Variants in NMNAT2 observed in about 807,000 individuals in gnomAD.
NMNAT2 encodes nicotinamide nucleotide adenylyltransferase 2, also known as nicotinamide/nicotinic acid mononucleotide adenylyltransferase 2.
A neutral mutation model predicts 41.6 loss-of-function variants in NMNAT2; 11 were observed. The ratio of observed to expected loss-of-function variants is 0.26; its 90% CI spans 0.17 to 0.44. The LOEUF (loss-of-function observed/expected upper bound fraction) is 0.44. Among genes scored for constraint, NMNAT2 ranks in the 20% least tolerant of loss-of-function variants. The probability of loss-of-function intolerance (pLI) is 1.00; values close to 1 mark genes in which losing one functional copy is unlikely to be tolerated. For synonymous variants in NMNAT2, 148 were observed against 151.2 expected, an observed-to-expected ratio of 0.98 and a Z score of 0.16; for missense variants, 288 against 407.7, an observed-to-expected ratio of 0.71 and a Z score of 2.53.
At chr1:183,302,050 G>A (rs75716152) in intron 1 of NMNAT2, among the ~76,000 whole-genome samples, 1,799 of 152,300 alleles carry the variant, frequency 0.012, 46 homozygotes, top group African/African-American at 0.04. Context: ...GATGATAAAG[G>A]AAGAAATCAA....
intron 6 of NMNAT2, 95 bp downstream of exon 6, chr1:183,284,615 T>C (rs1226453950): frequency 4.9e-6 from 5 of 1,026,088 alleles, no homozygotes; most frequent in Non-Finnish European, 7.7e-6. Context: ...GAATTTGCGG[T>C]GGGGGGAATG....
At chr1:183,411,782 G>A (rs1036923158) in intron 1 of NMNAT2, among the ~76,000 whole-genome samples, 5 of 152,176 alleles carry the variant, frequency 3.3e-5, no homozygotes, top group African/African-American at 1.2e-4. Flanking sequence ...AAGGTGATAA[G>A]TACGAAGGGG....
At chr1:183,404,099 A>T (rs1305216543) in intron 1 of NMNAT2, among the ~76,000 whole-genome samples, 1 of 138,496 alleles carries the variant, frequency 7.2e-6, no homozygotes, top group African/African-American at 2.7e-5. Flanking sequence ...CAGAAATGTA[A>T]TTTTTTTTTT....
intron 1 of NMNAT2, among the ~76,000 whole-genome samples, chr1:183,309,363 A>G (rs2102322993): frequency 6.6e-6 from 1 of 152,270 alleles, no homozygotes; most frequent in East Asian, 1.9e-4. Flanking sequence ...GTTGGGCGGA[A>G]AATAAATTTA....
chr1:183,367,606 C>T (rs992961376), intron 1 of NMNAT2, among the ~76,000 whole-genome samples: 1 of 152,084 alleles, frequency 6.6e-6, no homozygotes, highest in Non-Finnish European at 1.5e-5. Context: ...TCCAAAGAGG[C>T]GTAGCAGTAA....
At chr1:183,390,189 T>C (rs1296904340) in intron 1 of NMNAT2, among the ~76,000 whole-genome samples, 1 of 152,146 alleles carries the variant, frequency 6.6e-6, no homozygotes, top group African/African-American at 2.4e-5. Flanking sequence ...GTGAGCCGCA[T>C]GAACATCAAT....
In NMNAT2 at chr1:183,336,369, T is replaced by C. The variant is rs566105852; in HGVS notation, c.86-42576A>G. On this transcript the variant is annotated intron_variant, in intron 1 of 10. Coordinates refer to ENST00000287713, the MANE Select transcript of NMNAT2 (RefSeq NM_015039.4). ...AAATAAATGCAAAAGAAAATTACAA[T>C]GAGATACCACCTCATACCAGTTTGA... Among the ~76,000 whole-genome samples the C allele has an allele frequency of 3.9e-5, 6 of 152,244 alleles. No individual in the cohort carries two copies. The South Asian group carries it at 1.0e-3, about 26-fold the overall frequency.
chr1:183,360,967 C>T (rs565178877), intron 1 of NMNAT2, among the ~76,000 whole-genome samples: 20 of 152,298 alleles, frequency 1.3e-4, no homozygotes, highest in African/African-American at 2.4e-4. Flanking sequence ...TCTCCACCAA[C>T]CCCTCTCTCC....
intron 1 of NMNAT2, among the ~76,000 whole-genome samples, chr1:183,332,783 C>G (rs1016196461): frequency 6.6e-6 from 1 of 152,212 alleles, no homozygotes; most frequent in African/African-American, 2.4e-5. Context: ...CTAGCAATTT[C>G]TCTAGGGATT....
intron 8 of NMNAT2, among the ~76,000 whole-genome samples, chr1:183,272,309 T>C (rs1451777066): frequency 3.9e-5 from 6 of 152,196 alleles, no homozygotes; most frequent in African/African-American, 9.7e-5. Context: ...GAGAGACTAG[T>C]TCTCCAATAA....
At chr1:183,379,092 A>ATCTATATCTATATCTATATCTATATCTAT (rs142685154) in intron 1 of NMNAT2, among the ~76,000 whole-genome samples, 1,311 of 115,192 alleles carry the variant, frequency 0.011, 16 homozygotes, top group Non-Finnish European at 0.02. Flanking sequence ...CTATATCTAT[A>ATCTATATCTATATCTATATCTATATCTAT]ATCTATAATC....
intron 1 of NMNAT2, among the ~76,000 whole-genome samples, chr1:183,390,239 G>T: frequency 6.6e-6 from 1 of 152,158 alleles, no homozygotes. Context: ...GTACCAGTCA[G>T]CCTTGGAAAA....
At chr1:183,377,806 C>A (rs1018180212) in intron 1 of NMNAT2, among the ~76,000 whole-genome samples, 1 of 152,046 alleles carries the variant, frequency 6.6e-6, no homozygotes, top group East Asian at 1.9e-4. Context: ...GGTGTTGGAG[C>A]TATCAGATTA....
chr1:183,310,293 G>A (rs189144598), intron 1 of NMNAT2, among the ~76,000 whole-genome samples: 13 of 152,280 alleles, frequency 8.5e-5, no homozygotes, highest in Admixed American at 7.2e-4. Context: ...TCCTGGGACC[G>A]CTTTCAAAAG....
chr1:183,322,684 A>C (rs1662378651), intron 1 of NMNAT2, among the ~76,000 whole-genome samples: 1 of 152,150 alleles, frequency 6.6e-6, no homozygotes, highest in Non-Finnish European at 1.5e-5. Context: ...TCTGGAGCCT[A>C]ACCTCTTCCC....
intron 1 of NMNAT2, among the ~76,000 whole-genome samples, chr1:183,358,851 G>T (rs1311198891): frequency 1.3e-5 from 2 of 152,214 alleles, no homozygotes; most frequent in African/African-American, 4.8e-5. Context: ...CGGACGATAA[G>T]GTTGGTGCAG....
intron 8 of NMNAT2, among the ~76,000 whole-genome samples, chr1:183,261,989 G>A (rs1327258130): frequency 6.6e-6 from 1 of 151,998 alleles, no homozygotes; most frequent in Non-Finnish European, 1.5e-5. Context: ...GCAGTGGCAA[G>A]ATCATGGCTC....
chr1:183,381,147 G>A (rs1663795252), intron 1 of NMNAT2, among the ~76,000 whole-genome samples: 1 of 152,182 alleles, frequency 6.6e-6, no homozygotes, highest in South Asian at 2.1e-4. Flanking sequence ...TTGTGAGGGT[G>A]TGTGGGAGAG....
intron 1 of NMNAT2, among the ~76,000 whole-genome samples, chr1:183,408,472 A>T (rs1260161012): frequency 1.3e-5 from 2 of 152,224 alleles, no homozygotes; most frequent in Non-Finnish European, 2.9e-5. Context: ...GGCCTTAAAA[A>T]ATCGGGTAGC....
Sources: gnomAD v4.1 joint callset for allele counts (sites outside exome capture counted in the v4.1 genomes callset) on GRCh38, gnomAD v4.1.1 for gene constraint, MANE v1.5 for transcripts, NCBI Gene and HGNC (gene_info 2026-07-23, HGNC 2026-07-21) for gene names.